The following LIMCH1 variants were observed in gnomAD, a reference collection of about 807,000 sequenced individuals.
LIMCH1 encodes LIM and calponin homology domains-containing protein 1.
A neutral mutation model predicts 176.5 loss-of-function variants in LIMCH1; 113 were observed. The observed-to-expected ratio is 0.64, with a 90% CI of 0.55 to 0.75. The LOEUF (loss-of-function observed/expected upper bound fraction) is 0.75. Among genes scored for constraint, LIMCH1 ranks in the 30% least tolerant of loss-of-function variants. The probability of loss-of-function intolerance (pLI) is 0.00; values close to 1 mark genes in which losing one functional copy is unlikely to be tolerated. For synonymous variants in LIMCH1, 619 were observed against 645.9 expected (o/e 0.96, Z 0.63); for missense variants, 1,674 against 1,814.9 (o/e 0.92, Z 1.41).
chr4:41,464,098 A>G (rs576470134), intron 1 of LIMCH1, among the ~76,000 whole-genome samples: 48 of 151,650 alleles, frequency 3.2e-4, no homozygotes, highest in African/African-American at 1.1e-3. Context: ...ATGGCATCCC[A>G]TTGTTCCTGG....
At chr4:41,406,270 A>G (rs1409779501) in intron 1 of LIMCH1, among the ~76,000 whole-genome samples, 1 of 152,188 alleles carries the variant, frequency 6.6e-6, no homozygotes, top group Admixed American at 6.5e-5. Flanking sequence ...TACTTGATTT[A>G]TAGTTTATGA....
chr4:41,386,495 T>C (rs74746908), intron 1 of LIMCH1, among the ~76,000 whole-genome samples: 7,569 of 152,302 alleles, frequency 0.05, 311 homozygotes, highest in Non-Finnish European at 0.075. Flanking sequence ...AAGCACCAAT[T>C]ATTAGCTCTA....
chr4:41,676,476 T>C lies in LIMCH1; in HGVS notation c.3519+14T>C, dbSNP rs1259790581. 2 of 1,606,734 alleles carry C rather than the reference T, an allele frequency of 1.2e-6. No individual in the cohort carries two copies. Among genetic ancestry groups the C allele is most frequent in the African/African-American group, 1.3e-5 (1 of 74,760 alleles). On this transcript the variant is annotated intron_variant, in intron 23 of 31. Coordinates refer to ENST00000503057, the MANE Select transcript of LIMCH1 (RefSeq NM_001330672.2). ...CGTTTGCTCCAGGTAGGATGGAGTT[T>C]GCTGCTTTTTTTGTTTTTCCTTTTT...
intron 4 of LIMCH1, chr4:41,612,760 C>T: frequency 2.8e-6 from 2 of 727,100 alleles, no homozygotes. Flanking sequence ...CTTTCAGCTC[C>T]CCCAGCGCCA....
intron 1 of LIMCH1, among the ~76,000 whole-genome samples, chr4:41,458,136 A>G (rs2064837883): frequency 1.3e-5 from 2 of 152,148 alleles, no homozygotes. Flanking sequence ...AAAACTTCTT[A>G]TGTACCTCAT....
At position 41,426,017 on chromosome 4, in the gene LIMCH1, C is replaced by CTTTTT. The variant is rs913325890; in HGVS notation, c.96+65099_96+65103dup. ...TGAAATCTGAGAGAGTGAAAAGATT[C>CTTTTT]TTTTTTTTTTTTTTTTTTTTTTGAG... On this transcript the variant is annotated intron_variant, in intron 1 of 26. Transcript: ENST00000313860. Among the ~76,000 whole-genome samples the CTTTTT allele has an allele frequency of 4.7e-4, 48 of 102,862 alleles. 1 individual carries two copies. Among genetic ancestry groups the CTTTTT allele is most frequent in the African/African-American group, 1.5e-3 (40 of 26,492 alleles). The allele number at this position is 102,862 out of a possible 152,430, so 67.5% of individuals were successfully genotyped here. A position where few individuals can be genotyped will look rare whatever the true frequency, so the allele number is the denominator to read the frequency against.
intron 5 of LIMCH1, among the ~76,000 whole-genome samples, chr4:41,617,923 A>G (rs947675248): frequency 6.6e-6 from 1 of 152,240 alleles, no homozygotes; most frequent in African/African-American, 2.4e-5. Flanking sequence ...TTTCATATGT[A>G]TCTGGTTCTT....
intron 1 of LIMCH1, among the ~76,000 whole-genome samples, chr4:41,494,372 T>C (rs953205893): frequency 6.6e-6 from 1 of 150,486 alleles, no homozygotes; most frequent in African/African-American, 2.4e-5. Context: ...TACACATACA[T>C]ATATACACAT....
intron 1 of LIMCH1, among the ~76,000 whole-genome samples, chr4:41,379,148 T>C (rs1281023245): frequency 6.6e-6 from 1 of 152,334 alleles, no homozygotes; most frequent in East Asian, 1.9e-4. Context: ...GTTAGATGGT[T>C]CTGGCTCGGG....
chr4:41,629,731 C>G lies in LIMCH1; in HGVS notation c.1268C>G (p.Ala423Gly). Residue 423 changes from alanine to glycine, a missense_variant, in exon 9 of 32, where the codon GCG becomes GGG. By Grantham distance (60) the Ala-to-Gly change is moderately conservative (BLOSUM62 0). This residue lies in a region of LIMCH1 where 655 missense variants were observed against 692.2 expected (regional missense o/e 0.95). Transcript: ENST00000503057. Reference sequence around the variant, plus strand: ...GAGAGACTCAAAGTGTCAGAAAAGGCGAGGTGTGTCATGTTTCCCCCCCAG... The same window carrying G: ...GAGAGACTCAAAGTGTCAGAAAAGGGGAGGTGTGTCATGTTTCCCCCCCAG... ...TWERLKVSEK[A>G]RDGDVQHICA... 1.3e-6 allele frequency: 2 copies of G among 1,534,430 alleles called. No homozygotes were observed. The highest frequency in any genetic ancestry group is 1.7e-6 in the Non-Finnish European group (2 of 1,145,760).
chr4:41,445,620 G>A lies in LIMCH1; in HGVS notation c.97-48916G>A, dbSNP rs146042585. Among the ~76,000 whole-genome samples the A allele has an allele frequency of 5.6e-3, 859 of 152,318 alleles. 5 individuals carry two copies. Among genetic ancestry groups the A allele is most frequent in the African/African-American group, 0.019 (790 of 41,582 alleles). Reference sequence around the variant, plus strand: ...TCCTCCAATTAGGTATTCAAGAAAAGCATAGAAGTATGTGAAGGTTTCCTT... The same window carrying A: ...TCCTCCAATTAGGTATTCAAGAAAAACATAGAAGTATGTGAAGGTTTCCTT... On this transcript the variant is annotated intron_variant, in intron 1 of 26. Coordinates refer to the LIMCH1 transcript ENST00000313860.
At chr4:41,436,102 A>C (rs2062049686) in intron 1 of LIMCH1, among the ~76,000 whole-genome samples, 1 of 152,158 alleles carries the variant, frequency 6.6e-6, no homozygotes, top group Non-Finnish European at 1.5e-5. Flanking sequence ...CCATAAGAAA[A>C]TCTCTTTAAA....
intron 2 of LIMCH1, among the ~76,000 whole-genome samples, chr4:41,602,672 G>T (rs1008254703): frequency 2.0e-5 from 3 of 151,982 alleles, no homozygotes; most frequent in Admixed American, 6.6e-5. Context: ...GCTGGTCATG[G>T]TGGCACGTGC....
chr4:41,458,690 C>T (rs775715773), intron 1 of LIMCH1, among the ~76,000 whole-genome samples: 6 of 146,340 alleles, frequency 4.1e-5, no homozygotes, highest in Non-Finnish European at 8.9e-5. Flanking sequence ...AGGAGAATGG[C>T]GTGAACCTGG....
At chr4:41,625,304 C>A (rs1341999862) in intron 7 of LIMCH1, among the ~76,000 whole-genome samples, 3 of 151,832 alleles carry the variant, frequency 2.0e-5, no homozygotes, top group East Asian at 3.9e-4. Flanking sequence ...TAAAACAGAC[C>A]CAAGTTTCAC....
chr4:41,685,978 A>G (rs996085313), intron 28 of LIMCH1, 148 bp downstream of exon 28: 65 of 825,032 alleles, frequency 7.9e-5, no homozygotes, highest in African/African-American at 7.8e-4. Context: ...AAGGTAGTCA[A>G]TATAAATGGA....
rs193124068 is a variant in LIMCH1 at position 41,617,246 on chromosome 4, G to T, written c.206-1942G>T. Among the ~76,000 whole-genome samples the T allele has an allele frequency of 2.0e-5, 3 of 152,194 alleles. No individual in the cohort carries two copies. In the East Asian group the frequency reaches 5.8e-4, roughly 29 times the overall value. ...TGTTCAACAAAGTGCAGCACTTCTC[G>T]TAGTCAGAACACTTTTATCAGGAGA... On this transcript the variant is annotated intron_variant, in intron 5 of 31. Transcript: ENST00000503057.
chr4:41,521,589 A>G (rs991532209), intron 2 of LIMCH1, among the ~76,000 whole-genome samples: 3 of 152,218 alleles, frequency 2.0e-5, no homozygotes, highest in Non-Finnish European at 4.4e-5. Context: ...AAAATACAAG[A>G]TAAGCAGGTG....
At chr4:41,587,712 C>T (rs1211893181) in intron 1 of LIMCH1, among the ~76,000 whole-genome samples, 2 of 152,110 alleles carry the variant, frequency 1.3e-5, no homozygotes, top group Non-Finnish European at 2.9e-5. Context: ...AAGAGTCCCT[C>T]ATGACCCCTT....
Sources: gnomAD v4.1 joint callset for allele counts (sites outside exome capture counted in the v4.1 genomes callset) on GRCh38, gnomAD v4.1.1 for gene constraint, gnomAD v4.1.1 regional missense constraint, MANE v1.5 for transcripts, NCBI Gene and HGNC (gene_info 2026-07-23, HGNC 2026-07-21) for gene names.